ASXL2: variants seen among roughly 807,000 people sequenced by gnomAD.
ASXL2 encodes the protein putative Polycomb group protein ASXL2.
ASXL2 carries 23 observed loss-of-function variants against 122.0 expected under a neutral mutation model. That is an observed-to-expected ratio of 0.19 (90% CI 0.14 to 0.27). ASXL2 has a LOEUF of 0.27. ASXL2 is among the 10% of genes least tolerant of loss of function. The pLI is 1.00. For missense variants in ASXL2, 1,518 were observed against 1,713.8 expected, an observed-to-expected ratio of 0.89 and a Z score of 2.02; for synonymous variants, 650 against 637.0, an observed-to-expected ratio of 1.02 and a Z score of -0.31.
chr2:25,769,013 G>A, intron 6 of ASXL2, 145 bp from the exon 7 acceptor site: 4 of 945,028 alleles, frequency 4.2e-6, no homozygotes, highest in Non-Finnish European at 6.1e-6. Flanking sequence ...CCTAAATTAA[G>A]CTAACTCTCG....
rs371194544 is a variant in ASXL2 at position 25,869,384 on chromosome 2, C to CA, written c.57+8781dup. ...TTTAATCTCCAATTTTAAAAAGGTA[C>CA]AAAAAAAAAAAGATTTAGCATTCCT... On this transcript the variant is annotated intron_variant, in intron 1 of 12. Coordinates refer to ENST00000435504, the MANE Select transcript of ASXL2 (RefSeq NM_018263.6). 8.9e-3 allele frequency among the ~76,000 whole-genome samples: 1,181 copies of CA among 132,662 alleles called. 14 individuals carry two copies. Among genetic ancestry groups the CA allele is most frequent in the South Asian group, 0.07 (297 of 4,258 alleles). 87.0% of individuals were successfully genotyped at this position (132,662 alleles called of 152,430 possible).
intron 9 of ASXL2, among the ~76,000 whole-genome samples, chr2:25,759,097 G>C (rs2088191318): frequency 6.6e-6 from 1 of 152,140 alleles, no homozygotes; most frequent in Admixed American, 6.5e-5. Context: ...TGGGATTACA[G>C]GCGCCCACCA....
At chr2:25,823,389 T>TA (rs1022423940) in intron 3 of ASXL2, among the ~76,000 whole-genome samples, 1 of 152,192 alleles carries the variant, frequency 6.6e-6, no homozygotes, top group Non-Finnish European at 1.5e-5. Context: ...GCTGACACCT[T>TA]ACTGGTAACC....
In ASXL2 at chr2:25,744,470, C is replaced by T. The variant is rs2087906513; in HGVS notation, c.1867G>A (p.Val623Ile). The T allele has an allele frequency of 6.3e-7, 1 of 1,590,602 alleles. No individual in the cohort carries two copies. Among genetic ancestry groups the T allele is most frequent in the Non-Finnish European group, 8.5e-7 (1 of 1,172,834 alleles). The change falls in exon 13 of 13, where the codon GTC becomes ATC. Residue 623 changes from valine to isoleucine, a missense_variant. Coordinates refer to ENST00000435504, the MANE Select transcript of ASXL2 (RefSeq NM_018263.6). This position sits in a 1 kb window ranked among gnomAD's most constrained non-coding sequence, Gnocchi z 4.7. ...VRKVPPLKIP[V>I]SRISPMPFHP... ...AACGGCATGGGGGAGATTCTGGAGA[C>T]CGGGATCTGAAAGAAGTAGAGGGGA...
At chr2:25,870,393 C>T (rs1031118591) in intron 1 of ASXL2, among the ~76,000 whole-genome samples, 1 of 151,952 alleles carries the variant, frequency 6.6e-6, no homozygotes, top group Non-Finnish European at 1.5e-5. Context: ...CATGGTGGTG[C>T]GTGCCTGTAG....
In ASXL2 at chr2:25,787,562, G is replaced by A. The variant is rs113477056; in HGVS notation, c.403+11823C>T. ...TACTTACAAATCAGGTAAAATCCTAGACACTTCAAAGACACAGTCAATTTA... is the reference window on the plus strand; with the variant it reads ...TACTTACAAATCAGGTAAAATCCTAAACACTTCAAAGACACAGTCAATTTA... On this transcript the variant is annotated intron_variant, in intron 5 of 12. Coordinates refer to ENST00000435504, the MANE Select transcript of ASXL2 (RefSeq NM_018263.6). 9.6e-3 allele frequency among the ~76,000 whole-genome samples: 1,456 copies of A among 152,204 alleles called. 25 individuals carry two copies. Among genetic ancestry groups the A allele is most frequent in the Non-Finnish European group, 0.014 (933 of 68,008 alleles).
chr2:25,847,648 TATTA>T (rs2089663953), intron 1 of ASXL2, among the ~76,000 whole-genome samples: 1 of 152,190 alleles, frequency 6.6e-6, no homozygotes, highest in East Asian at 1.9e-4. Context: ...ACTAAAAATG[TATTA>T]AAGTACTGAA....
At chr2:25,786,591 C>T (rs1040702691) in intron 5 of ASXL2, among the ~76,000 whole-genome samples, 5 of 152,074 alleles carry the variant, frequency 3.3e-5, no homozygotes. Context: ...TGGTGGCTCA[C>T]GCCTGTAATC....
intron 9 of ASXL2, among the ~76,000 whole-genome samples, chr2:25,757,493 AAG>A (rs1405610234): frequency 6.7e-6 from 1 of 149,648 alleles, no homozygotes; most frequent in Admixed American, 6.6e-5. Context: ...AAAAAAAAGA[AAG>A]AAAAAGAAAA....
rs560550419 is a variant in ASXL2 at position 25,851,828 on chromosome 2, T to A, written c.58-6265A>T. 4.6e-5 allele frequency among the ~76,000 whole-genome samples: 7 copies of A among 151,762 alleles called. No individual in the cohort carries two copies. The South Asian group carries it at 1.3e-3, about 27-fold the overall frequency. On this transcript the variant is annotated intron_variant, in intron 1 of 12. Transcript: ENST00000435504. ...ACCGCTTGAGCCTGGGAGGTGGGGG[T>A]TGCCATGAGCCGAGATCGTGCCACT...
At chr2:25,774,957 T>A (rs2088521284) in intron 5 of ASXL2, among the ~76,000 whole-genome samples, 1 of 152,210 alleles carries the variant, frequency 6.6e-6, no homozygotes, top group East Asian at 1.9e-4. Flanking sequence ...AGTCACTGAA[T>A]AACCTCTATT....
At chr2:25,747,007 A>G (rs1361775007) in intron 12 of ASXL2, among the ~76,000 whole-genome samples, 21 of 152,224 alleles carry the variant, frequency 1.4e-4, no homozygotes, top group Non-Finnish European at 2.9e-5. Flanking sequence ...ATTTGCAGAT[A>G]ACCTCCACAT....
At chr2:25,876,488 T>C (rs558758684) in intron 1 of ASXL2, among the ~76,000 whole-genome samples, 108 of 152,254 alleles carry the variant, frequency 7.1e-4, no homozygotes, top group African/African-American at 2.5e-3. Flanking sequence ...CTGGGCAACA[T>C]AGAAAGACCC....
intron 1 of ASXL2, chr2:25,857,076 A>AT (rs35420189): frequency 3.5e-5 from 1 of 28,448 alleles, no homozygotes; most frequent in South Asian, 1.6e-3. Flanking sequence ...TGGCTGTTAG[A>AT]TTTTTGGGGG....
intron 2 of ASXL2, among the ~76,000 whole-genome samples, chr2:25,843,927 CA>C (rs1428471122): frequency 6.6e-6 from 1 of 151,958 alleles, no homozygotes; most frequent in East Asian, 1.9e-4. Flanking sequence ...AATATTTGGG[CA>C]TAGCTTACTG....
At chr2:25,861,616 A>T (rs2089843750) in intron 1 of ASXL2, among the ~76,000 whole-genome samples, 1 of 152,234 alleles carries the variant, frequency 6.6e-6, no homozygotes, top group South Asian at 2.1e-4. Flanking sequence ...AATTACAGTG[A>T]TTTGATTTTT....
Position 25,744,935 on chromosome 2 carries a change from CCACACACACACACACACACACACACACA to C in ASXL2, c.1861-487_1861-460del, listed in dbSNP as rs10579555. Among the ~76,000 whole-genome samples the C allele has an allele frequency of 6.5e-5, 9 of 138,338 alleles. No individual in the cohort carries two copies. Among genetic ancestry groups the C allele is most frequent in the African/African-American group, 1.9e-4 (7 of 36,812 alleles). The allele number at this position is 138,338 out of a possible 152,430, so 90.8% of individuals were successfully genotyped here. The stretch of plus-strand genomic sequence containing the variant: ...GGGAAAATACTTGCTCTTCTCTGTT[CCACACACACACACACACACACACACACA>C]CACACACACACACACACTTGGGCTG... On this transcript the variant is annotated intron_variant, in intron 12 of 12. Coordinates refer to ENST00000435504, the MANE Select transcript of ASXL2 (RefSeq NM_018263.6). The surrounding 1 kb of genome is among the most constrained non-coding windows in gnomAD (Gnocchi z 4.7).
Position 25,791,049 on chromosome 2 carries a change from G to A in ASXL2, c.403+8336C>T, listed in dbSNP as rs1007094011. 1.3e-4 allele frequency among the ~76,000 whole-genome samples: 20 copies of A among 151,640 alleles called. 1 individual carries two copies. The highest frequency in any genetic ancestry group is 1.0e-3 in the South Asian group (5 of 4,786). On this transcript the variant is annotated intron_variant, in intron 5 of 12. Coordinates refer to ENST00000435504, the MANE Select transcript of ASXL2 (RefSeq NM_018263.6). Reference sequence around the variant, plus strand: ...GGGGCTCAAGTCATACTCCTGCCTCGGCCTCCCAAAGTAATGGGATTACAG... The same window carrying A: ...GGGGCTCAAGTCATACTCCTGCCTCAGCCTCCCAAAGTAATGGGATTACAG...
intron 1 of ASXL2, among the ~76,000 whole-genome samples, chr2:25,861,172 A>G (rs2089839813): frequency 6.6e-6 from 1 of 152,224 alleles, no homozygotes; most frequent in Admixed American, 6.5e-5. Flanking sequence ...AAAAACTAAC[A>G]AAACCAAATG....
Sources: gnomAD v4.1 joint callset for allele counts (sites outside exome capture counted in the v4.1 genomes callset) on GRCh38, gnomAD v4.1.1 for gene constraint, Gnocchi (gnomAD v3.1) non-coding constraint, MANE v1.5 for transcripts, NCBI Gene and HGNC (gene_info 2026-07-23, HGNC 2026-07-21) for gene names.